Variants in FSTL5 observed in about 807,000 individuals in gnomAD.
FSTL5 encodes follistatin-related protein 5.
In FSTL5, 62 loss-of-function variants were observed where a neutral mutation model predicts 89.1. The ratio of observed to expected loss-of-function variants is 0.70; its 90% CI spans 0.57 to 0.86. FSTL5 has a LOEUF of 0.86. Among genes scored for constraint, FSTL5 ranks in the 40% least tolerant of loss-of-function variants. The probability of loss-of-function intolerance (pLI) is 0.00; values close to 1 mark genes in which losing one functional copy is unlikely to be tolerated. For missense variants in FSTL5, 1,057 were observed against 1,001.6 expected, an observed-to-expected ratio of 1.06 and a Z score of -0.75; for synonymous variants, 383 against 346.2, an observed-to-expected ratio of 1.11 and a Z score of -1.18.
At chr4:161,647,539 A>G (rs1736194225) in intron 7 of FSTL5, among the ~76,000 whole-genome samples, 2 of 151,566 alleles carry the variant, frequency 1.3e-5, no homozygotes, top group Non-Finnish European at 2.9e-5. Flanking sequence ...AAAAGCCAAG[A>G]TTTTGGTAAG....
At chr4:162,061,783 A>C (rs1738726245) in intron 2 of FSTL5, among the ~76,000 whole-genome samples, 1 of 152,162 alleles carries the variant, frequency 6.6e-6, no homozygotes, top group Non-Finnish European at 1.5e-5. Context: ...ATGCTTAAGC[A>C]CACAGGGACA....
At chr4:161,728,130 C>T (rs1486865134) in intron 6 of FSTL5, among the ~76,000 whole-genome samples, 1 of 152,112 alleles carries the variant, frequency 6.6e-6, no homozygotes, top group Non-Finnish European at 1.5e-5. Flanking sequence ...GAGCTTGATT[C>T]CCGGAGTAAT....
At chr4:161,850,646 T>A (rs1731520175) in intron 4 of FSTL5, among the ~76,000 whole-genome samples, 3 of 152,282 alleles carry the variant, frequency 2.0e-5, no homozygotes, top group Non-Finnish European at 2.9e-5. Flanking sequence ...CTAAGGCTGA[T>A]GGGAGCTGGT....
chr4:161,495,142 G>T (rs1012991507), intron 12 of FSTL5: 6 of 152,032 alleles, frequency 3.9e-5, no homozygotes, highest in African/African-American at 1.4e-4. Context: ...TGCATAATAA[G>T]ACACGTGGTT....
At chr4:161,967,126 T>A (rs1455385910) in intron 3 of FSTL5, among the ~76,000 whole-genome samples, 1 of 151,782 alleles carries the variant, frequency 6.6e-6, no homozygotes, top group Non-Finnish European at 1.5e-5. Flanking sequence ...ACAACGTTAC[T>A]CAGATATCAC....
At chr4:162,017,719 CA>C (rs1736953721) in intron 3 of FSTL5, among the ~76,000 whole-genome samples, 1 of 152,084 alleles carries the variant, frequency 6.6e-6, no homozygotes, top group Non-Finnish European at 1.5e-5. Flanking sequence ...AATGAGACAA[CA>C]AAATGGATGG....
chr4:161,851,075 G>A (rs1274966444), intron 4 of FSTL5, among the ~76,000 whole-genome samples: 1 of 152,178 alleles, frequency 6.6e-6, no homozygotes, highest in African/African-American at 2.4e-5. Context: ...TTTTATTTAA[G>A]TTTCCCCATA....
At chr4:161,617,571 T>C (rs540279667) in intron 7 of FSTL5, among the ~76,000 whole-genome samples, 2 of 152,108 alleles carry the variant, frequency 1.3e-5, no homozygotes, top group African/African-American at 2.4e-5. Flanking sequence ...AGGCAAATCA[T>C]AATCAAACTG....
At chr4:161,721,421 T>A (rs1437886081) in intron 6 of FSTL5, among the ~76,000 whole-genome samples, 1 of 152,032 alleles carries the variant, frequency 6.6e-6, no homozygotes. Flanking sequence ...TTTTTGGAGT[T>A]GATTAATATA....
intron 4 of FSTL5, among the ~76,000 whole-genome samples, chr4:161,781,589 G>A (rs1479427537): frequency 6.6e-6 from 1 of 152,066 alleles, no homozygotes; most frequent in Non-Finnish European, 1.5e-5. Flanking sequence ...TAAGACTTTG[G>A]TTTTTAGTGT....
At chr4:161,740,112 C>G (rs898090666) in intron 6 of FSTL5, among the ~76,000 whole-genome samples, 8 of 152,060 alleles carry the variant, frequency 5.3e-5, no homozygotes, top group Admixed American at 3.9e-4. Context: ...CTCCGCCTCC[C>G]GGGTTCAAGC....
intron 10 of FSTL5, among the ~76,000 whole-genome samples, chr4:161,518,603 A>AT (rs1234082472): frequency 6.6e-6 from 1 of 152,202 alleles, no homozygotes; most frequent in African/African-American, 2.4e-5. Flanking sequence ...TAATCAAACA[A>AT]TATAAGTCTA....
chr4:161,812,909 A>G (rs1278670843), intron 4 of FSTL5, among the ~76,000 whole-genome samples: 2 of 127,866 alleles, frequency 1.6e-5, no homozygotes, highest in African/African-American at 5.9e-5. Context: ...AAAAAAAAAG[A>G]TTACGTTTTA....
At chr4:161,815,601 C>T (rs1730300036) in intron 4 of FSTL5, among the ~76,000 whole-genome samples, 1 of 152,002 alleles carries the variant, frequency 6.6e-6, no homozygotes. Context: ...TTACCTATTT[C>T]ATCCTAATTT....
chr4:162,090,995 G>A (rs2111357072), intron 2 of FSTL5, among the ~76,000 whole-genome samples: 1 of 152,224 alleles, frequency 6.6e-6, no homozygotes, highest in South Asian at 2.1e-4. Flanking sequence ...TTTAAACTGA[G>A]TCACTGCCTC....
At chr4:161,872,134 T>TTG (rs1419308221) in intron 4 of FSTL5, among the ~76,000 whole-genome samples, 1 of 49,342 alleles carries the variant, frequency 2.0e-5, no homozygotes, top group African/African-American at 4.3e-5. Context: ...GTTTGTTTTT[T>TTG]TTTTTGGTTT....
At chr4:161,627,054 A>G (rs765704532) in intron 7 of FSTL5, among the ~76,000 whole-genome samples, 3 of 152,182 alleles carry the variant, frequency 2.0e-5, no homozygotes, top group Non-Finnish European at 2.9e-5. Context: ...GATTTAGGAG[A>G]TTATGTAAAC....
chr4:162,017,470 G>A (rs1736946954), intron 3 of FSTL5, among the ~76,000 whole-genome samples: 1 of 152,092 alleles, frequency 6.6e-6, no homozygotes, highest in Admixed American at 6.6e-5. Flanking sequence ...CATATAAGGT[G>A]GCAGATGTGT....
chr4:161,766,003 C>T (rs1206456151), intron 5 of FSTL5, among the ~76,000 whole-genome samples: 2 of 152,064 alleles, frequency 1.3e-5, no homozygotes, highest in Non-Finnish European at 2.9e-5. Context: ...CCATCTTGGC[C>T]AGGCCGGTCC....
Sources: gnomAD v4.1 joint callset for allele counts (sites outside exome capture counted in the v4.1 genomes callset) on GRCh38, gnomAD v4.1.1 for gene constraint, MANE v1.5 for transcripts, NCBI Gene and HGNC (gene_info 2026-07-23, HGNC 2026-07-21) for gene names.